Variants in NTMT2 observed in about 807,000 individuals in gnomAD.
NTMT2 encodes the protein X-Pro-Lys N-terminal protein methyltransferase 1B.
Under a neutral mutation model 23.4 loss-of-function variants are expected in NTMT2, and 21 were observed. The observed-to-expected ratio is 0.90, with a 90% CI of 0.64 to 1.29. NTMT2 has a LOEUF of 1.29. NTMT2 is among the 50% of genes most tolerant of loss of function. The probability of loss-of-function intolerance (pLI) is 0.00; values close to 1 mark genes in which losing one functional copy is unlikely to be tolerated. For missense variants in NTMT2, 336 were observed against 352.0 expected (o/e 0.95, Z 0.36); for synonymous variants, 131 against 127.7 (o/e 1.03, Z -0.17).
chr1:170,161,971 T>A (rs1360591381), intron 2 of NTMT2, among the ~76,000 whole-genome samples: 2 of 152,094 alleles, frequency 1.3e-5, no homozygotes, highest in African/African-American at 2.4e-5. Context: ...GCGCCTGTAG[T>A]CCCAGCTACT....
intron 1 of NTMT2, among the ~76,000 whole-genome samples, chr1:170,159,564 G>T (rs1673231804): frequency 6.7e-6 from 1 of 149,588 alleles, no homozygotes; most frequent in Non-Finnish European, 1.5e-5. Flanking sequence ...GCTTTTTGTT[G>T]TCCAGAAATT....
At chr1:170,165,650 A>G (rs1226122345) in intron 2 of NTMT2, among the ~76,000 whole-genome samples, 8 of 152,172 alleles carry the variant, frequency 5.3e-5, no homozygotes, top group Non-Finnish European at 1.2e-4. Flanking sequence ...AGTATTCCAA[A>G]CTGAAATGTT....
chr1:170,159,425 T>G (rs1229219492), intron 1 of NTMT2, among the ~76,000 whole-genome samples: 1 of 70,364 alleles, frequency 1.4e-5, no homozygotes, highest in Non-Finnish European at 3.0e-5. Flanking sequence ...GCTCTGGTTT[T>G]TTTTTTTTTT....
chr1:170,162,051 G>T (rs1673283777), intron 2 of NTMT2, among the ~76,000 whole-genome samples: 1 of 152,170 alleles, frequency 6.6e-6, no homozygotes, highest in Non-Finnish European at 1.5e-5. Flanking sequence ...GACCGTGCCA[G>T]TGCATTCCAG....
At position 170,149,268 on chromosome 1, in the gene NTMT2, A is replaced by AT. The variant is rs1215348523; in HGVS notation, c.154+3014dup. Among the ~76,000 whole-genome samples, 12 of 152,316 alleles carry AT rather than the reference A, an allele frequency of 7.9e-5. No homozygotes were observed. In the East Asian group the frequency reaches 1.5e-3, roughly 20 times the overall value. On this transcript the variant is annotated intron_variant, in intron 1 of 3. Coordinates refer to ENST00000439373, the MANE Select transcript of NTMT2 (RefSeq NM_001136107.2). Reference sequence around the variant, plus strand: ...GGCTACCAGTTCTGTGAATACTCAGATTTTTTTGTAGCTTTTTCCTCTAAT... The same window carrying AT: ...GGCTACCAGTTCTGTGAATACTCAGATTTTTTTTGTAGCTTTTTCCTCTAAT...
At chr1:170,153,132 A>G (rs1673102163) in intron 1 of NTMT2, among the ~76,000 whole-genome samples, 2 of 152,348 alleles carry the variant, frequency 1.3e-5, no homozygotes, top group Middle Eastern at 3.4e-3. Flanking sequence ...CCAGAAGCTG[A>G]GCAGATGCCA....
rs1011395291 is a variant in NTMT2, at chr1:170,160,412, T to C, written c.155-106T>C. 8.6e-6 allele frequency: 9 copies of C among 1,044,088 alleles called. 1 individual carries two copies. In the African/African-American group the frequency reaches 1.5e-4, roughly 17 times the overall value. 64.7% of individuals were successfully genotyped at this position (1,044,088 alleles called of 1,614,324 possible). On this transcript the variant is annotated intron_variant, in intron 1 of 3. Transcript: ENST00000439373. ...TTTGACTTCAAACCAGTGCTCTTTT[T>C]GCCACAGCACAGATTCACAGGCTTT...
intron 2 of NTMT2, among the ~76,000 whole-genome samples, chr1:170,163,893 G>A (rs549229723): frequency 7.9e-4 from 120 of 152,172 alleles, no homozygotes; most frequent in African/African-American, 2.7e-3. Flanking sequence ...ACGCTGAGGC[G>A]GGTGGCTCAC....
At chr1:170,163,599 A>G (rs571948255) in intron 2 of NTMT2, among the ~76,000 whole-genome samples, 1 of 152,094 alleles carries the variant, frequency 6.6e-6, no homozygotes, top group Non-Finnish European at 1.5e-5. Flanking sequence ...ATTTTTTGAC[A>G]TTTCTCAAAG....
intron 2 of NTMT2, 118 bp from the exon 3 acceptor site, chr1:170,166,384 G>T (rs960650167): frequency 1.8e-5 from 18 of 1,023,590 alleles, no homozygotes; most frequent in Non-Finnish European, 2.5e-5. Context: ...CTCGTGATCC[G>T]CCCGCCTCGG....
chr1:170,153,163 C>T (rs530674692), intron 1 of NTMT2, among the ~76,000 whole-genome samples: 13 of 152,302 alleles, frequency 8.5e-5, no homozygotes, highest in Middle Eastern at 3.4e-3. Context: ...TCTTTTACAG[C>T]GTACAGAACT....
chr1:170,148,369 T>C lies in NTMT2; in HGVS notation c.154+2108T>C, dbSNP rs146094791. ...GGTTTCACCGTATTAGCCAGGATGG[T>C]CTTGATCTCCTGACCTCGTGATCCG... On this transcript the variant is annotated intron_variant, in intron 1 of 3. Transcript: ENST00000439373. 2.6e-5 allele frequency among the ~76,000 whole-genome samples: 4 copies of C among 151,998 alleles called. No individual in the cohort carries two copies. The East Asian group carries it at 7.8e-4, about 29-fold the overall frequency.
At chr1:170,153,658 A>G (rs1468222028) in intron 1 of NTMT2, among the ~76,000 whole-genome samples, 3 of 152,242 alleles carry the variant, frequency 2.0e-5, no homozygotes, top group Non-Finnish European at 4.4e-5. Context: ...AAACAGCAAA[A>G]CATGCAAGAT....
rs1158549191 is a variant in NTMT2 at position 170,167,749 on chromosome 1, C to A, written c.844C>A (p.His282Asn). 6.5e-7 allele frequency: 1 copy of A among 1,548,320 alleles called. No individual in the cohort carries two copies. Among genetic ancestry groups the A allele is most frequent in the Non-Finnish European group, 8.7e-7 (1 of 1,145,208 alleles). The change falls in exon 4 of 4, where the codon CAC (histidine) becomes AAC (asparagine). Residue 282 changes from histidine to asparagine, a missense_variant. His to Asn is a moderately conservative substitution (Grantham distance 68). Transcript: ENST00000439373. ...GATGTTCGCACTGCACAGCGACAGA[C>A]ACTCCTGAAAAAGCAGTGGGAATGA... ...VWMFALHSDRHS is the reference protein window; with the variant it reads ...VWMFALHSDRNS
chr1:170,152,963 G>A (rs990799535), intron 1 of NTMT2, among the ~76,000 whole-genome samples: 2 of 152,258 alleles, frequency 1.3e-5, no homozygotes, highest in Non-Finnish European at 2.9e-5. Context: ...GATCCCTCAT[G>A]CCTTGGTGTT....
Position 170,163,231 on chromosome 1 carries a change from A to C in NTMT2, c.330+2538A>C, listed in dbSNP as rs115084277. Among the ~76,000 whole-genome samples the C allele has an allele frequency of 5.9e-3, 892 of 152,320 alleles. 14 individuals carry two copies. Among genetic ancestry groups the C allele is most frequent in the African/African-American group, 0.021 (853 of 41,556 alleles). The stretch of plus-strand genomic sequence containing the variant: ...AGCTGTGACTTCTAAGTACAAATGC[A>C]GTCCTTTTTAAGGACTGATATTTTG... On this transcript the variant is annotated intron_variant, in intron 2 of 3. Coordinates refer to ENST00000439373, the MANE Select transcript of NTMT2 (RefSeq NM_001136107.2).
At position 170,160,786 on chromosome 1, in the gene NTMT2, G is replaced by C. The variant is rs967285715; in HGVS notation, c.330+93G>C. 13 of 1,136,556 alleles carry C rather than the reference G, an allele frequency of 1.1e-5. No homozygotes were observed. In the East Asian group the frequency reaches 3.3e-4, roughly 29 times the overall value. The allele number at this position is 1,136,556 out of a possible 1,614,324, so 70.4% of individuals were successfully genotyped here. A position where few individuals can be genotyped will look rare whatever the true frequency, so the allele number is the denominator to read the frequency against. On this transcript the variant is annotated intron_variant, in intron 2 of 3. Transcript: ENST00000439373. Reference sequence around the variant, plus strand: ...GTGTTGTTATTTAAGTCACGACTAAGCCATATGACCCAGCCAAGAGTTCTG... The same window carrying C: ...GTGTTGTTATTTAAGTCACGACTAACCCATATGACCCAGCCAAGAGTTCTG...
chr1:170,152,015 A>G (rs1673079329), intron 1 of NTMT2, among the ~76,000 whole-genome samples: 1 of 152,188 alleles, frequency 6.6e-6, no homozygotes, highest in Non-Finnish European at 1.5e-5. Flanking sequence ...ATGTGTGCTT[A>G]TGTCGGTTAA....
intron 1 of NTMT2, among the ~76,000 whole-genome samples, chr1:170,150,734 G>A (rs1245316546): frequency 2.6e-5 from 4 of 152,144 alleles, no homozygotes; most frequent in South Asian, 2.1e-4. Context: ...CAGTAAATAG[G>A]TTTAAATAAT....
Sources: allele counts gnomAD v4.1 joint callset (sites outside exome capture counted in the v4.1 genomes callset), GRCh38; gene constraint gnomAD v4.1.1; transcripts MANE v1.5; gene names NCBI Gene and HGNC (gene_info 2026-07-23, HGNC 2026-07-21).